C12orf54: variants seen among roughly 807,000 people sequenced by gnomAD.
C12orf54 encodes the protein chromosome 12 open reading frame 54.
A neutral mutation model predicts 26.4 loss-of-function variants in C12orf54; 24 were observed. The observed-to-expected ratio is 0.91, with a 90% CI of 0.66 to 1.28. The LOEUF (loss-of-function observed/expected upper bound fraction) is 1.28. C12orf54 is among the 50% of genes most tolerant of loss of function. C12orf54 has a pLI of 0.00. For missense variants in C12orf54, 154 were observed against 150.9 expected (o/e 1.02, Z -0.11); for synonymous variants, 54 against 47.0 (o/e 1.15, Z -0.61).
At position 48,491,523 on chromosome 12, in the gene C12orf54, G is replaced by A. The variant is rs1322094090; in HGVS notation, c.193+687G>A. Among the ~76,000 whole-genome samples, 3 of 152,186 alleles carry A rather than the reference G, an allele frequency of 2.0e-5. No homozygotes were observed. The East Asian group carries it at 5.8e-4, about 29-fold the overall frequency. ...CTTTTTCTCCCTTGGAATGGTTGTT[G>A]AGGGCCTGAGAACACTCTCATGCCT... is the stretch of plus-strand genomic sequence containing the variant. On this transcript the variant is annotated intron_variant, in intron 6 of 8. Coordinates refer to ENST00000548364, the MANE Select transcript of C12orf54 (RefSeq NM_152319.4).
the C12orf54 span, among the ~76,000 whole-genome samples, chr12:48,414,464 G>C: frequency 6.6e-6 from 1 of 152,372 alleles, no homozygotes; most frequent in African/African-American, 2.4e-5. Context: ...AGGCTAGTGT[G>C]TTGGTATGCA....
chr12:48,471,310 T>G, the C12orf54 span, among the ~76,000 whole-genome samples: 2 of 152,216 alleles, frequency 1.3e-5, no homozygotes, highest in Admixed American at 6.5e-5. Context: ...TACTCCATTG[T>G]GTATATGCAC....
intron 8 of C12orf54, chr12:48,495,643 C>T (rs148326654): frequency 6.6e-6 from 1 of 152,644 alleles, no homozygotes; most frequent in South Asian, 2.1e-4. Context: ...CTCTATATGG[C>T]CTTCTCTAGG....
the C12orf54 span, among the ~76,000 whole-genome samples, chr12:48,437,436 G>A: frequency 6.6e-6 from 1 of 152,116 alleles, no homozygotes; most frequent in Non-Finnish European, 1.5e-5. Flanking sequence ...AAGCCGGGCA[G>A]AGACACAACA....
rs1311716999 is a variant in C12orf54, at chr12:48,482,560, T to C, written c.-74T>C. The stretch of plus-strand genomic sequence containing the variant: ...GTGAAGGAGTGGGGCAAAGTGTAAT[T>C]TGGGGAACCAAGCAGGGTAAGTTTC... On this transcript the variant is annotated 5_prime_UTR_variant, in exon 1 of 9. Coordinates refer to ENST00000548364, the MANE Select transcript of C12orf54 (RefSeq NM_152319.4). 1.3e-5 allele frequency: 2 copies of C among 152,018 alleles called. No homozygotes were observed. The highest frequency in any genetic ancestry group is 2.9e-5 in the Non-Finnish European group (2 of 68,048). 9.4% of individuals were successfully genotyped at this position (152,018 alleles called of 1,614,324 possible).
At chr12:48,488,264 A>T in intron 4 of C12orf54, 1 of 612,730 alleles carries the variant, frequency 1.6e-6, no homozygotes, top group Admixed American at 2.2e-5. Flanking sequence ...CTCGGCCTAA[A>T]GGTCTGGAGG....
At chr12:48,474,174 T>C in the C12orf54 span, among the ~76,000 whole-genome samples, 1 of 152,198 alleles carries the variant, frequency 6.6e-6, no homozygotes, top group African/African-American at 2.4e-5. Flanking sequence ...TTCTGTAAAA[T>C]ATTAGAATGC....
rs144058794 is a variant in C12orf54, at chr12:48,483,968, C to T, written c.65+607C>T. On this transcript the variant is annotated intron_variant, in intron 2 of 8. Coordinates refer to ENST00000548364, the MANE Select transcript of C12orf54 (RefSeq NM_152319.4). ...CAGCACTTTGGGAGGCCAAGGCGGGCGGATCACCTGAGGTTGGGAGTTCGA... is the reference window on the plus strand; with the variant it reads ...CAGCACTTTGGGAGGCCAAGGCGGGTGGATCACCTGAGGTTGGGAGTTCGA... Among the ~76,000 whole-genome samples the T allele has an allele frequency of 1.9e-3, 288 of 152,178 alleles. 1 individual carries two copies. The highest frequency in any genetic ancestry group is 6.1e-3 in the African/African-American group (254 of 41,524).
the C12orf54 span, among the ~76,000 whole-genome samples, chr12:48,460,036 G>A: frequency 6.6e-6 from 1 of 152,168 alleles, no homozygotes; most frequent in Non-Finnish European, 1.5e-5. Context: ...ATGGCCTAAA[G>A]CCTCAGATGT....
chr12:48,466,764 C>T, the C12orf54 span, among the ~76,000 whole-genome samples: 1 of 152,040 alleles, frequency 6.6e-6, no homozygotes, highest in African/African-American at 2.4e-5. Flanking sequence ...CTTTAGAAAA[C>T]AGTTTGACAG....
chr12:48,479,342 T>C (rs907849672), upstream of C12orf54, among the ~76,000 whole-genome samples: 10 of 151,990 alleles, frequency 6.6e-5, no homozygotes, highest in African/African-American at 2.4e-4. Flanking sequence ...AAGGGGAACA[T>C]CACACGTTGG....
chr12:48,483,534 A>C (rs1164910446), intron 2 of C12orf54, 173 bp downstream of exon 2: 18 of 574,142 alleles, frequency 3.1e-5, no homozygotes, highest in Non-Finnish European at 3.7e-5. Flanking sequence ...AATGAAAGAG[A>C]TAATAGCAAA....
chr12:48,431,564 G>A, the C12orf54 span, among the ~76,000 whole-genome samples: 1 of 151,902 alleles, frequency 6.6e-6, no homozygotes, highest in Non-Finnish European at 1.5e-5. Flanking sequence ...TAAAACACAA[G>A]TGTACAATAA....
chr12:48,480,926 G>A (rs1341780971), upstream of C12orf54, among the ~76,000 whole-genome samples: 1 of 149,086 alleles, frequency 6.7e-6, no homozygotes, highest in East Asian at 1.9e-4. Flanking sequence ...CAACATGGAT[G>A]TAGATGGAGG....
the C12orf54 span, among the ~76,000 whole-genome samples, chr12:48,438,880 G>T: frequency 6.6e-6 from 1 of 152,042 alleles, no homozygotes; most frequent in Non-Finnish European, 1.5e-5. Flanking sequence ...AAAAGCAATG[G>T]CAACAAAAGC....
At chr12:48,488,206 A>T in intron 4 of C12orf54, 1 of 700,404 alleles carries the variant, frequency 1.4e-6, no homozygotes, top group South Asian at 1.5e-5. Flanking sequence ...TGGCCCCTGG[A>T]GTCTGTGCCT....
At chr12:48,437,975 A>G in the C12orf54 span, among the ~76,000 whole-genome samples, 8 of 152,254 alleles carry the variant, frequency 5.3e-5, no homozygotes, top group African/African-American at 1.9e-4. Flanking sequence ...CCCTGTTTGC[A>G]GATGATATGA....
rs1231033010 is a variant in C12orf54, at chr12:48,483,308, T to A, written c.12T>A (p.His4Gln). 1.9e-6 allele frequency: 3 copies of A among 1,613,916 alleles called. No individual in the cohort carries two copies. Among genetic ancestry groups the A allele is most frequent in the Admixed American group, 1.7e-5 (1 of 60,012 alleles). The change falls in exon 2 of 9, where the codon CAT (histidine) becomes CAA (glutamine). Residue 4 changes from histidine (H) to glutamine (Q), a missense_variant. Coordinates refer to ENST00000548364, the MANE Select transcript of C12orf54 (RefSeq NM_152319.4). MAQ[H>Q]PCQDQEQKVE... ...CTGTCTGAGAACAAATGGCACAGCA[T>A]CCCTGCCAGGATCAGGAACAAAAGG...
chr12:48,477,292 C>T, the C12orf54 span, among the ~76,000 whole-genome samples: 2 of 152,124 alleles, frequency 1.3e-5, no homozygotes, highest in Admixed American at 1.3e-4. Flanking sequence ...CAAGAGAAAG[C>T]AGGAAAGATC....
Sources: gnomAD v4.1 joint callset for allele counts (sites outside exome capture counted in the v4.1 genomes callset) on GRCh38, gnomAD v4.1.1 for gene constraint, MANE v1.5 for transcripts, NCBI Gene and HGNC (gene_info 2026-07-23, HGNC 2026-07-21) for gene names.